Variants in SGO1 observed in about 807,000 individuals in gnomAD.
SGO1 encodes shugoshin 1, also known as serologically defined breast cancer antigen NY-BR-85.
In SGO1, 39 loss-of-function variants were observed where a neutral mutation model predicts 50.5. That is an observed-to-expected ratio of 0.77 (90% CI 0.60 to 1.01). SGO1 has a LOEUF of 1.01. SGO1 is among the 50% of genes least tolerant of loss of function. SGO1 has a pLI of 0.00. For missense variants in SGO1, 638 were observed against 606.0 expected (o/e 1.05, Z -0.55); for synonymous variants, 191 against 205.1 (o/e 0.93, Z 0.59).
At position 20,169,618 on chromosome 3, in the gene SGO1, T is replaced by C. The variant is rs34673412; in HGVS notation, c.*1086A>G. 6.1e-6 allele frequency: 6 copies of C among 985,010 alleles called. No individual in the cohort carries two copies. Among genetic ancestry groups the C allele is most frequent in the African/African-American group, 5.2e-5 (3 of 57,332 alleles). The allele number at this position is 985,010 out of a possible 1,614,324, so 61.0% of individuals were successfully genotyped here. A position where few individuals can be genotyped will look rare whatever the true frequency, so the allele number is the denominator to read the frequency against. ...CGCTTTCATTGGTTGGTCAAAAATA[T>C]GCAAAAACCCTAAATATTCACACAT... On this transcript the variant is annotated 3_prime_UTR_variant, in exon 8 of 8. Transcript: ENST00000412997.
At position 20,175,047 on chromosome 3, in the gene SGO1, G is replaced by T. The variant is rs1701230320; in HGVS notation, c.484C>A (p.Pro162Thr). The change falls in exon 6 of 8, where the codon CCT becomes ACT. Residue 162 changes from proline (P) to threonine (T), a missense_variant. Physicochemically the swap from Pro to Thr is conservative, Grantham distance 38 (BLOSUM62 -1). Transcript: ENST00000412997. The part of the protein sequence containing the change: ...GESFQIEDQI[P>T]TIPQDTLGVD... The stretch of plus-strand genomic sequence containing the variant: ...CCCAGTGTGTCTTGAGGAATAGTAG[G>T]TATCTGATCTGAGAATTTAAAAAAT... 1.4e-6 allele frequency: 2 copies of T among 1,479,634 alleles called. No homozygotes were observed. The highest frequency in any genetic ancestry group is 1.4e-5 in the African/African-American group (1 of 70,236). The allele number at this position is 1,479,634 out of a possible 1,614,324, so 91.7% of individuals were successfully genotyped here.
At chr3:20,184,841 A>C (rs1028075963) in intron 1 of SGO1, among the ~76,000 whole-genome samples, 1 of 152,072 alleles carries the variant, frequency 6.6e-6, no homozygotes, top group Non-Finnish European at 1.5e-5. Context: ...CAAATCAGGT[A>C]GGCTTTAGCA....
intron 3 of SGO1, among the ~76,000 whole-genome samples, chr3:20,179,503 C>T (rs1240075511): frequency 1.4e-5 from 2 of 145,370 alleles, no homozygotes; most frequent in Middle Eastern, 3.4e-3. Flanking sequence ...TAGCTCACTG[C>T]AGCCTTGAAC....
rs1701100215 is a variant in SGO1, at chr3:20,174,264, T to C, written c.1267A>G (p.Thr423Ala). 1.2e-6 allele frequency: 2 copies of C among 1,612,140 alleles called. No homozygotes were observed. The highest frequency in any genetic ancestry group is 1.7e-6 in the Non-Finnish European group (2 of 1,179,102). The change falls in exon 6 of 8, where the codon ACA becomes GCA. Residue 423 changes from threonine (T) to alanine (A), a missense_variant. By Grantham distance (58) the Thr-to-Ala change is moderately conservative. Transcript: ENST00000412997. ...GATCACTTACTGGTAGGAGTTTTTG[T>C]TGGCTTAGAACCCTCCGTCTCTTTT... The part of the protein sequence containing the change: ...DEKETEGSKP[T>A]KTPTTTPPET...
intron 1 of SGO1, 37 bp from the exon 2 acceptor site, chr3:20,184,071 T>G: frequency 6.7e-7 from 1 of 1,494,378 alleles, no homozygotes; most frequent in Non-Finnish European, 8.9e-7. Context: ...AGAGAGAATA[T>G]TATCAAATAT....
chr3:20,183,624 G>A lies in SGO1; in HGVS notation c.323C>T (p.Thr108Ile). The A allele has an allele frequency of 6.3e-7, 1 of 1,593,942 alleles. No individual in the cohort carries two copies. ...ALKGKLTSQQ[T>I]VEPAQNQEIC... ...TGAAAATACCTGAGCAGGTTCTACT[G>A]TTTGTTGTGATGTAAGTTTTCCTTT... The change falls in exon 3 of 8, where the codon ACA becomes ATA. Residue 108 changes from threonine to isoleucine, a missense_variant. Thr to Ile is a moderately conservative substitution (Grantham distance 89). Coordinates refer to ENST00000412997, the MANE Select transcript of SGO1 (RefSeq NM_001199251.3).
At chr3:20,161,491 A>G (rs1201509479) in intron 8 of SGO1, among the ~76,000 whole-genome samples, 1 of 152,230 alleles carries the variant, frequency 6.6e-6, no homozygotes, top group Non-Finnish European at 1.5e-5. Flanking sequence ...ACTGGAAGAT[A>G]GAACTGACGA....
chr3:20,165,689 C>A (rs1160508730), downstream of SGO1, among the ~76,000 whole-genome samples: 1 of 151,958 alleles, frequency 6.6e-6, no homozygotes, highest in East Asian at 1.9e-4. Flanking sequence ...GCCTTGATAC[C>A]GAAAATAGGT....
downstream of SGO1, chr3:20,169,454 A>T (rs967657596): frequency 1.0e-6 from 1 of 983,248 alleles, no homozygotes; most frequent in Non-Finnish European, 1.2e-6. Flanking sequence ...TCTATTTTTG[A>T]TATTTAAAGA....
chr3:20,164,869 T>C (rs1278726464), downstream of SGO1, among the ~76,000 whole-genome samples: 1 of 152,172 alleles, frequency 6.6e-6, no homozygotes, highest in African/African-American at 2.4e-5. Context: ...TTAGAATGAC[T>C]AGACTTCTCA....
chr3:20,165,752 A>G (rs779120495), downstream of SGO1, among the ~76,000 whole-genome samples: 13 of 152,148 alleles, frequency 8.5e-5, no homozygotes, highest in South Asian at 2.7e-3. Flanking sequence ...GATACAAAAA[A>G]TCCTAAACAA....
chr3:20,172,600 T>C (rs1046864257), intron 6 of SGO1, among the ~76,000 whole-genome samples: 1 of 151,918 alleles, frequency 6.6e-6, no homozygotes, highest in African/African-American at 2.4e-5. Flanking sequence ...GATTAAACTC[T>C]GAGTAATACC....
chr3:20,161,600 T>C (rs1700042453), intron 8 of SGO1, among the ~76,000 whole-genome samples: 1 of 152,128 alleles, frequency 6.6e-6, no homozygotes, highest in Non-Finnish European at 1.5e-5. Context: ...GGGCAGAATA[T>C]TGGTTTTGGT....
chr3:20,174,952 G>A lies in SGO1; in HGVS notation c.579C>T (p.Ser193=). 6.2e-7 allele frequency: 1 copy of A among 1,613,946 alleles called. No homozygotes were observed. The highest frequency in any genetic ancestry group is 1.7e-5 in the Admixed American group (1 of 60,008). The change falls in exon 6 of 8, where the codon AGC becomes AGT. Residue 193 remains serine (S), a synonymous_variant. Transcript: ENST00000412997. ...TACTGTTACAATGTTTCTTTAAACT[G>A]CTACGAACAGATACAGTTCTAGGTA... The part of the protein sequence containing the change: ...NVLPRTVSVR[S]SLKKHCNSIC...
At chr3:20,173,970 C>CA (rs1701066253) in intron 6 of SGO1, among the ~76,000 whole-genome samples, 1 of 152,144 alleles carries the variant, frequency 6.6e-6, no homozygotes, top group Non-Finnish European at 1.5e-5. Context: ...CCTAAGTCTA[C>CA]AAAAAAGTCC....
At chr3:20,176,264 T>C (rs1053912769) in intron 5 of SGO1, among the ~76,000 whole-genome samples, 3 of 152,170 alleles carry the variant, frequency 2.0e-5, no homozygotes, top group Non-Finnish European at 4.4e-5. Context: ...TGAGTTCCTA[T>C]AAAACAGGAC....
rs762872844 is a variant in SGO1 at position 20,174,555 on chromosome 3, G to A, written c.976C>T (p.His326Tyr). 2 of 1,607,762 alleles carry A rather than the reference G, an allele frequency of 1.2e-6. No individual in the cohort carries two copies. The highest frequency in any genetic ancestry group is 2.2e-5 in the East Asian group (1 of 44,858). Residue 326 changes from histidine (H) to tyrosine (Y), a missense_variant, in exon 6 of 8, where the codon CAC becomes TAC. His to Tyr is a moderately conservative substitution (Grantham distance 83). Coordinates refer to ENST00000412997, the MANE Select transcript of SGO1 (RefSeq NM_001199251.3). ...NKKTVPQKKMHKSVSSNDAYN... is the reference protein window; with the variant it reads ...NKKTVPQKKMYKSVSSNDAYN... ...GCATCATTGGAACTGACAGATTTGT[G>A]CATTTTTTTTTGGGGAACAGTTTTT...
In SGO1 at chr3:20,174,251, G is replaced by T; in HGVS notation, c.1280C>A (p.Thr427Asn). 6.2e-7 allele frequency: 1 copy of T among 1,610,284 alleles called. No individual in the cohort carries two copies. Among genetic ancestry groups the T allele is most frequent in the Non-Finnish European group, 8.5e-7 (1 of 1,176,978 alleles). The change falls in exon 6 of 8, where the codon ACC (threonine) becomes AAC (asparagine). Residue 427 changes from threonine to asparagine, a missense_variant and splice_region_variant. Physicochemically the swap from Thr to Asn is moderately conservative, Grantham distance 65. Coordinates refer to ENST00000412997, the MANE Select transcript of SGO1 (RefSeq NM_001199251.3). ...TEGSKPTKTP[T>N]TTPPETQQSP... ...AGGTAAACAAGTAGATCACTTACTGGTAGGAGTTTTTGTTGGCTTAGAACC... is the reference window on the plus strand; with the variant it reads ...AGGTAAACAAGTAGATCACTTACTGTTAGGAGTTTTTGTTGGCTTAGAACC...
At chr3:20,180,250 C>T (rs1701856876) in intron 3 of SGO1, among the ~76,000 whole-genome samples, 2 of 152,046 alleles carry the variant, frequency 1.3e-5, no homozygotes, top group Admixed American at 1.3e-4. Flanking sequence ...TATGCCACTG[C>T]ACTTCAGTCT....
Sources: gnomAD v4.1 joint callset for allele counts (sites outside exome capture counted in the v4.1 genomes callset) on GRCh38, gnomAD v4.1.1 for gene constraint, MANE v1.5 for transcripts, NCBI Gene and HGNC (gene_info 2026-07-23, HGNC 2026-07-21) for gene names.